The following NUP107 variants were observed in gnomAD, a reference collection of about 807,000 sequenced individuals.
NUP107 encodes nuclear pore complex protein Nup107.
NUP107 carries 101 observed loss-of-function variants against 141.0 expected under a neutral mutation model. The observed-to-expected ratio is 0.72, with a 90% CI of 0.61 to 0.84. The LOEUF is 0.84. NUP107 is among the 40% of genes least tolerant of loss of function. The pLI, the probability that NUP107 is intolerant of heterozygous loss-of-function variation, is 0.00. For synonymous variants in NUP107, 319 were observed against 363.9 expected (o/e 0.88, Z 1.41); for missense variants, 941 against 1,102.7 (o/e 0.85, Z 2.08).
intron 11 of NUP107, among the ~76,000 whole-genome samples, chr12:68,715,262 G>A (rs1421519363): frequency 1.3e-5 from 2 of 152,194 alleles, no homozygotes; most frequent in Non-Finnish European, 2.9e-5. Flanking sequence ...TTGGGTGGCC[G>A]AGGTGGGTGG....
At chr12:68,696,982 C>T (rs1472797805) in intron 6 of NUP107, 60 bp downstream of exon 6, 6 of 1,014,944 alleles carry the variant, frequency 5.9e-6, no homozygotes. Flanking sequence ...TCATAAACAG[C>T]ATTAACCTAA....
intron 6 of NUP107, among the ~76,000 whole-genome samples, chr12:68,697,761 G>A (rs962277401): frequency 5.3e-5 from 8 of 152,168 alleles, no homozygotes; most frequent in Non-Finnish European, 1.0e-4. Context: ...CAGACGTGGT[G>A]ACTCATGCCT....
intron 3 of NUP107, 70 bp from the exon 4 acceptor site, chr12:68,690,561 T>C: frequency 6.3e-7 from 1 of 1,598,370 alleles, no homozygotes; most frequent in African/African-American, 1.3e-5. Context: ...TCATTGTTTG[T>C]TTGCTTACTT....
intron 12 of NUP107, among the ~76,000 whole-genome samples, chr12:68,715,957 ATTAT>A (rs1877086490): frequency 6.6e-6 from 1 of 152,188 alleles, no homozygotes; most frequent in Non-Finnish European, 1.5e-5. Context: ...TTAATAGAAA[ATTAT>A]TTATAACAAG....
At chr12:68,710,651 T>TA (rs35505754) in intron 10 of NUP107, among the ~76,000 whole-genome samples, 31,028 of 110,616 alleles carry the variant, frequency 0.28, 4,514 homozygotes, top group Middle Eastern at 0.33. Context: ...CAGGCCGTCT[T>TA]AAAAAAAAAA....
chr12:68,706,225 G>T, intron 8 of NUP107: 1 of 767,490 alleles, frequency 1.3e-6, no homozygotes, highest in Non-Finnish European at 2.4e-6. Context: ...TCCTCATCAA[G>T]AAGGATATGG....
chr12:68,711,585 C>G (rs1414873189), intron 10 of NUP107, among the ~76,000 whole-genome samples: 1 of 151,518 alleles, frequency 6.6e-6, no homozygotes, highest in African/African-American at 2.4e-5. Flanking sequence ...ACAGGGAGTC[C>G]TACTTTAAAT....
At chr12:68,722,991 CT>C (rs1481016937) in intron 17 of NUP107, among the ~76,000 whole-genome samples, 1 of 152,108 alleles carries the variant, frequency 6.6e-6, no homozygotes, top group Non-Finnish European at 1.5e-5. Context: ...TAAGTATATG[CT>C]TTATACATTG....
At chr12:68,694,583 C>G (rs140967514) in intron 5 of NUP107, among the ~76,000 whole-genome samples, 4 of 152,018 alleles carry the variant, frequency 2.6e-5, no homozygotes, top group African/African-American at 7.3e-5. Context: ...AAAAAACAAC[C>G]CAATTTAAAA....
At chr12:68,705,478 A>G (rs1255608972) in intron 8 of NUP107, among the ~76,000 whole-genome samples, 1 of 150,796 alleles carries the variant, frequency 6.6e-6, no homozygotes, top group Non-Finnish European at 1.5e-5. Context: ...GAAATTCCTT[A>G]TATGTGGGTT....
intron 26 of NUP107, among the ~76,000 whole-genome samples, chr12:68,735,639 A>G (rs1878037044): frequency 6.6e-6 from 1 of 152,196 alleles, no homozygotes; most frequent in African/African-American, 2.4e-5. Flanking sequence ...TTACAGATAT[A>G]AAGATAACTC....
At chr12:68,707,123 G>T in intron 8 of NUP107, 1 of 561,050 alleles carries the variant, frequency 1.8e-6, no homozygotes, top group South Asian at 2.2e-5. Context: ...GCCCCAGAGA[G>T]GCTGCTGTCC....
intron 3 of NUP107, 189 bp downstream of exon 3, chr12:68,689,808 A>T: frequency 2.0e-6 from 1 of 506,258 alleles, no homozygotes; most frequent in East Asian, 3.4e-5. Flanking sequence ...ACACACGGTA[A>T]CTATGACATG....
chr12:68,702,400 C>T lies in NUP107; in HGVS notation c.681-336C>T, dbSNP rs1357098715. Among the ~76,000 whole-genome samples, 4 of 152,074 alleles carry T rather than the reference C, an allele frequency of 2.6e-5. No homozygotes were observed. In the East Asian group the frequency reaches 5.8e-4, roughly 22 times the overall value. On this transcript the variant is annotated intron_variant, in intron 7 of 27. Coordinates refer to ENST00000229179, the MANE Select transcript of NUP107 (RefSeq NM_020401.4). The stretch of plus-strand genomic sequence containing the variant: ...TCAGCCTCCCAAAATGCTGAGATTA[C>T]AAGCGTGACCCACCGTGCCCTGCCT...
At chr12:68,700,997 AGAGT>A in intron 7 of NUP107, 144 bp downstream of exon 7, 1 of 746,558 alleles carries the variant, frequency 1.3e-6, no homozygotes, top group Non-Finnish European at 2.0e-6. Context: ...TTAGTTGTCA[AGAGT>A]GAGTCAAGAG....
In NUP107 at chr12:68,709,253, GA is replaced by G; in HGVS notation, c.751del (p.Thr251GlnfsTer20). Reference protein sequence around the residue: ...VFAVTAVNASEKTVVEALFQR... With the variant: ...VFAVTAVNASXKTVVEALFQR... Reference sequence around the variant, plus strand: ...TTCATAATAGGCTGTTAATGCCAGTGAAAAAACAGTTGTGGAAGCGTTATTT... The same window carrying G: ...TTCATAATAGGCTGTTAATGCCAGTGAAAAACAGTTGTGGAAGCGTTATTT... On this transcript the variant is annotated frameshift_variant, in exon 9 of 28. Transcript: ENST00000229179. LOFTEE classifies it high-confidence loss of function. The G allele has an allele frequency of 6.2e-7, 1 of 1,600,636 alleles. No individual in the cohort carries two copies. The highest frequency in any genetic ancestry group is 8.5e-7 in the Non-Finnish European group (1 of 1,174,062).
intron 5 of NUP107, among the ~76,000 whole-genome samples, chr12:68,694,770 G>A (rs1025222427): frequency 1.3e-5 from 2 of 152,108 alleles, no homozygotes; most frequent in Admixed American, 6.6e-5. Context: ...GCATGGTGGC[G>A]AATGCCTGTA....
intron 1 of NUP107, among the ~76,000 whole-genome samples, chr12:68,688,625 C>G (rs1243173055): frequency 6.6e-6 from 1 of 152,094 alleles, no homozygotes; most frequent in Admixed American, 6.6e-5. Context: ...ACTCCTCAAT[C>G]CAACAAGGGA....
chr12:68,706,210 A>G, intron 8 of NUP107: 1 of 767,136 alleles, frequency 1.3e-6, no homozygotes, highest in Non-Finnish European at 2.4e-6. Flanking sequence ...TGGAGAATGA[A>G]TTTGTCCTCA....
Sources: gnomAD v4.1 joint callset for allele counts (sites outside exome capture counted in the v4.1 genomes callset) on GRCh38, gnomAD v4.1.1 for gene constraint, MANE v1.5 for transcripts, NCBI Gene and HGNC (gene_info 2026-07-23, HGNC 2026-07-21) for gene names.